PTK2: variants seen among roughly 807,000 people sequenced by gnomAD.
The protein encoded by PTK2 is protein tyrosine kinase 2.
A neutral mutation model predicts 150.1 loss-of-function variants in PTK2; 45 were observed. That is an observed-to-expected ratio of 0.30 (90% CI 0.24 to 0.38). PTK2 has a LOEUF of 0.38. PTK2 is among the 10% of genes least tolerant of loss of function. The pLI, the probability that PTK2 is intolerant of heterozygous loss-of-function variation, is 1.00. For missense variants in PTK2, 919 were observed against 1,307.3 expected (o/e 0.70, Z 4.58); for synonymous variants, 432 against 449.2 (o/e 0.96, Z 0.48).
At chr8:140,772,463 C>T (rs959078968) in intron 14 of PTK2, among the ~76,000 whole-genome samples, 1 of 152,092 alleles carries the variant, frequency 6.6e-6, no homozygotes, top group South Asian at 2.1e-4. Context: ...CTGTGTGATG[C>T]AGGATGAATT....
intron 29 of PTK2, among the ~76,000 whole-genome samples, chr8:140,672,739 T>C (rs1049329472): frequency 6.6e-6 from 1 of 152,250 alleles, no homozygotes; most frequent in African/African-American, 2.4e-5. Flanking sequence ...CTGGACTAAC[T>C]TTCTGATGAC....
chr8:140,824,324 G>A (rs1425529436), intron 8 of PTK2, among the ~76,000 whole-genome samples: 1 of 152,094 alleles, frequency 6.6e-6, no homozygotes, highest in African/African-American at 2.4e-5. Flanking sequence ...TTCTGTAGGC[G>A]GTGTTACCTT....
intron 14 of PTK2, among the ~76,000 whole-genome samples, chr8:140,782,254 T>TG (rs11375755): frequency 0.47 from 64,959 of 137,614 alleles, 15,580 homozygotes; most frequent in East Asian, 0.6. Flanking sequence ...TTTTTTTTTT[T>TG]GGGGGGGGGG....
intron 1 of PTK2, among the ~76,000 whole-genome samples, chr8:140,927,975 A>AAAAATATATATATAT: frequency 4.1e-5 from 2 of 48,194 alleles, no homozygotes; most frequent in South Asian, 1.0e-3. Flanking sequence ...AAAAAAAAAA[A>AAAAATATATATATAT]ATATATATAT....
chr8:140,678,994 G>A (rs1430652306), intron 27 of PTK2, among the ~76,000 whole-genome samples: 1 of 136,034 alleles, frequency 7.4e-6, no homozygotes, highest in Non-Finnish European at 1.5e-5. Context: ...CCAGCTGAGT[G>A]CTCCCCATGT....
rs530510713 is a variant in PTK2, at chr8:140,786,812, G to A, written c.1177+2662C>T. Among the ~76,000 whole-genome samples, 20 of 152,168 alleles carry A rather than the reference G, an allele frequency of 1.3e-4. No homozygotes were observed. In the South Asian group the frequency reaches 4.1e-3, roughly 32 times the overall value. On this transcript the variant is annotated intron_variant, in intron 14 of 31. Coordinates refer to ENST00000522684, the Ensembl canonical transcript of PTK2. ...GGATTTGTAAATCACCTAAGTGATA[G>A]TCATATATTGAAGTATCACTAACTC...
chr8:140,877,025 C>CTTTTTTTTT (rs60000363), intron 4 of PTK2, among the ~76,000 whole-genome samples: 2 of 71,828 alleles, frequency 2.8e-5, no homozygotes, highest in African/African-American at 1.2e-4. Context: ...TTCACTAATC[C>CTTTTTTTTT]TTTTTTTTTT....
At chr8:140,789,519 T>C in exon 14 of PTK2, 1 of 1,613,030 alleles carries the variant, frequency 6.2e-7, no homozygotes, top group Non-Finnish European at 8.5e-7. Flanking sequence ...TTTTCGCTGT[T>C]GGCCAACCTG....
At chr8:140,824,375 GAGC>G (rs531127339) in intron 8 of PTK2, among the ~76,000 whole-genome samples, 15 of 152,144 alleles carry the variant, frequency 9.9e-5, no homozygotes, top group Non-Finnish European at 1.8e-4. Context: ...CAAGAAGTGA[GAGC>G]AACAAACAAC....
chr8:140,759,784 G>A (rs114322464), intron 16 of PTK2, among the ~76,000 whole-genome samples: 348 of 151,862 alleles, frequency 2.3e-3, no homozygotes, highest in African/African-American at 8.3e-3. Context: ...TCGAGGCCAC[G>A]GTGAGCCATG....
intron 16 of PTK2, among the ~76,000 whole-genome samples, chr8:140,757,809 A>G (rs773012991): frequency 5.8e-4 from 88 of 152,318 alleles, no homozygotes; most frequent in Non-Finnish European, 8.8e-4. Context: ...GATGGACCAC[A>G]TATACTATAG....
At chr8:140,964,401 T>C (rs112468477) in intron 1 of PTK2, among the ~76,000 whole-genome samples, 43 of 151,578 alleles carry the variant, frequency 2.8e-4, no homozygotes, top group Admixed American at 1.1e-3. Context: ...TTTCTGGAGA[T>C]AGGGTCTCAC....
At chr8:140,836,087 T>A (rs2100118516) in intron 7 of PTK2, among the ~76,000 whole-genome samples, 2 of 152,098 alleles carry the variant, frequency 1.3e-5, no homozygotes, top group African/African-American at 2.4e-5. Context: ...GTTTTTTTTT[T>A]AATCAGACTT....
At chr8:140,871,743 A>C (rs1042859334) in intron 4 of PTK2, among the ~76,000 whole-genome samples, 1 of 152,170 alleles carries the variant, frequency 6.6e-6, no homozygotes, top group Admixed American at 6.5e-5. Context: ...GTTGAGTGTG[A>C]TGGCAAACAC....
At chr8:140,915,659 G>A (rs2100164959) in intron 2 of PTK2, among the ~76,000 whole-genome samples, 1 of 152,114 alleles carries the variant, frequency 6.6e-6, no homozygotes. Flanking sequence ...CACTTTGGGA[G>A]GCCAAGGCAG....
At chr8:140,768,282 C>CT (rs2100073538) in intron 14 of PTK2, among the ~76,000 whole-genome samples, 1 of 152,244 alleles carries the variant, frequency 6.6e-6, no homozygotes, top group Non-Finnish European at 1.5e-5. Context: ...GACCAAGTGA[C>CT]TACCCTTAAG....
intron 1 of PTK2, among the ~76,000 whole-genome samples, chr8:140,987,051 A>G (rs2100193529): frequency 1.3e-5 from 2 of 152,214 alleles, no homozygotes; most frequent in African/African-American, 4.8e-5. Context: ...ATGCTCTTCA[A>G]GCCACTGTTA....
intron 2 of PTK2, among the ~76,000 whole-genome samples, chr8:140,909,347 C>T (rs56386028): frequency 0.13 from 19,232 of 152,186 alleles, 1,916 homozygotes; most frequent in East Asian, 0.46. Flanking sequence ...TGAGCCATTA[C>T]GTACTTTCCA....
In PTK2 at chr8:140,807,957, G is replaced by A. The variant is rs150548876; in HGVS notation, c.868-4307C>T. 8.8e-3 allele frequency among the ~76,000 whole-genome samples: 1,337 copies of A among 152,266 alleles called. 16 individuals carry two copies. Among genetic ancestry groups the A allele is most frequent in the Non-Finnish European group, 0.011 (750 of 68,028 alleles). On this transcript the variant is annotated intron_variant, in intron 10 of 31. Coordinates refer to ENST00000522684, the Ensembl canonical transcript of PTK2. ...TTGGCAAGGCATTGAGGGGTGGACGGTGGTAGTGTAATGGTAGTAGGCAGG... is the reference window on the plus strand; with the variant it reads ...TTGGCAAGGCATTGAGGGGTGGACGATGGTAGTGTAATGGTAGTAGGCAGG...
Sources: gnomAD v4.1 joint callset for allele counts (sites outside exome capture counted in the v4.1 genomes callset) on GRCh38, gnomAD v4.1.1 for gene constraint, MANE v1.5 for transcripts, NCBI Gene and HGNC (gene_info 2026-07-23, HGNC 2026-07-21) for gene names.